NMI: variants seen among roughly 807,000 people sequenced by gnomAD.
The protein encoded by NMI is N-myc-interactor.
In NMI, 39 loss-of-function variants were observed where a neutral mutation model predicts 34.3. The observed-to-expected ratio is 1.14, with a 90% CI of 0.88 to 1.49. The LOEUF (loss-of-function observed/expected upper bound fraction) is 1.49, where lower values mean the gene tolerates loss of function less well. NMI is among the 40% of genes most tolerant of loss of function. NMI has a pLI of 0.00. For synonymous variants in NMI, 113 were observed against 120.3 expected, an observed-to-expected ratio of 0.94 and a Z score of 0.40; for missense variants, 339 against 358.1, an observed-to-expected ratio of 0.95 and a Z score of 0.43.
At chr2:151,278,664 G>A in intron 4 of NMI, 164 bp downstream of exon 4, 2 of 583,958 alleles carry the variant, frequency 3.4e-6, no homozygotes, top group Non-Finnish European at 6.0e-6. Context: ...TTGTCTCAGA[G>A]TCAGTTTTCT....
chr2:151,282,201 T>C (rs1683419528), intron 2 of NMI, among the ~76,000 whole-genome samples, 158 bp from the exon 3 acceptor site: 2 of 152,192 alleles, frequency 1.3e-5, no homozygotes, highest in Non-Finnish European at 2.9e-5. Context: ...TTGTTGAATA[T>C]TTTACATCAT....
At chr2:151,285,903 C>A (rs1454766178) in intron 1 of NMI, among the ~76,000 whole-genome samples, 3 of 151,828 alleles carry the variant, frequency 2.0e-5, no homozygotes, top group Non-Finnish European at 4.4e-5. Context: ...ACAGAATCCA[C>A]CTTGAGATGG....
chr2:151,287,492 T>C (rs1045744335), intron 1 of NMI, among the ~76,000 whole-genome samples: 2 of 152,138 alleles, frequency 1.3e-5, no homozygotes, highest in African/African-American at 4.8e-5. Flanking sequence ...CTAACCACAC[T>C]GAACACTTGG....
At chr2:151,270,917 T>C (rs1242773729) in intron 7 of NMI, 42 bp from the exon 8 acceptor site, 1 of 1,443,806 alleles carries the variant, frequency 6.9e-7, no homozygotes, top group East Asian at 2.3e-5. Flanking sequence ...TTCTAAGAGC[T>C]TTGAATTACA....
At chr2:151,288,065 G>C (rs1683535723) in intron 1 of NMI, among the ~76,000 whole-genome samples, 1 of 152,086 alleles carries the variant, frequency 6.6e-6, no homozygotes, top group African/African-American at 2.4e-5. Context: ...GGATACTTTT[G>C]CTCTATGCAT....
At chr2:151,288,998 C>A (rs1683563752) in intron 1 of NMI, 1 of 152,384 alleles carries the variant, frequency 6.6e-6, no homozygotes, top group Non-Finnish European at 1.5e-5. Context: ...AATCCCAGCA[C>A]TTTGGGAGGC....
intron 3 of NMI, 40 bp from the exon 4 acceptor site, chr2:151,279,030 AAAT>A: frequency 1.5e-6 from 2 of 1,371,154 alleles, no homozygotes; most frequent in Non-Finnish European, 2.0e-6. Flanking sequence ...TCAAGACGAG[AAAT>A]AACTTAAGTC....
Position 151,278,963 on chromosome 2 carries a change from T to C in NMI, c.205A>G (p.Met69Val), listed in dbSNP as rs1683338359. 1.9e-6 allele frequency: 3 copies of C among 1,609,192 alleles called. No homozygotes were observed. Among genetic ancestry groups the C allele is most frequent in the Non-Finnish European group, 2.6e-6 (3 of 1,176,162 alleles). ...GGAGTTTCAACTGATAAGAATTTCA[T>C]CTTTGTTTCAGGAATATCCTCTTTA... ...QIKEDIPETKMKFLSVETPEN... is the reference protein window; with the variant it reads ...QIKEDIPETKVKFLSVETPEN... The change falls in exon 4 of 8, where the codon ATG becomes GTG. Residue 69 changes from methionine (M) to valine (V), a missense_variant. Physicochemically the swap from Met to Val is conservative, Grantham distance 21. Transcript: ENST00000243346.
chr2:151,287,115 G>T (rs879530735), intron 1 of NMI, among the ~76,000 whole-genome samples: 2 of 152,058 alleles, frequency 1.3e-5, no homozygotes, highest in Non-Finnish European at 2.9e-5. Flanking sequence ...TTATGTCGGA[G>T]CACATCTTTT....
intron 4 of NMI, chr2:151,278,471 T>A (rs943750878): frequency 3.8e-5 from 7 of 184,192 alleles, no homozygotes; most frequent in African/African-American, 1.7e-4. Flanking sequence ...TTTATGGAAT[T>A]GTGTGAGTAT....
chr2:151,287,320 C>CACAT (rs1364502720), intron 1 of NMI, among the ~76,000 whole-genome samples: 2,017 of 117,476 alleles, frequency 0.017, 49 homozygotes, highest in African/African-American at 0.058. Context: ...CTCTCTCTCT[C>CACAT]ACACACATAC....
chr2:151,289,114 G>A (rs1683567243), intron 1 of NMI: 1 of 152,114 alleles, frequency 6.6e-6, no homozygotes, highest in Non-Finnish European at 1.5e-5. Flanking sequence ...CAGGCGTGGT[G>A]GCGGGCGCCT....
In NMI at chr2:151,275,517, C is replaced by T. The variant is rs368781417; in HGVS notation, c.601G>A (p.Gly201Arg). The T allele has an allele frequency of 5.9e-5, 96 of 1,614,086 alleles. No individual in the cohort carries two copies. Among genetic ancestry groups the T allele is most frequent in the Non-Finnish European group, 6.8e-5 (80 of 1,180,024 alleles). ...TCCACAAACGTGATGACTGCACTCC[C>T]GGACTGTCTGTCATAGTCCACGCGG... ...VDRVDYDRQS[G>R]SAVITFVEIG... is the part of the protein sequence containing the mutation. The change falls in exon 6 of 8, where the codon GGG becomes AGG. Residue 201 changes from glycine to arginine, a missense_variant. By Grantham distance (125) the Gly-to-Arg change is moderately radical (BLOSUM62 -2). Transcript: ENST00000243346.
chr2:151,274,310 T>C (rs1202524039), intron 6 of NMI, among the ~76,000 whole-genome samples: 1 of 107,430 alleles, frequency 9.3e-6, no homozygotes, highest in Admixed American at 1.4e-4. Context: ...GCCACTGCAC[T>C]CCAGCCCGGG....
At chr2:151,273,148 A>G (rs1267421438) in intron 6 of NMI, among the ~76,000 whole-genome samples, 1 of 151,916 alleles carries the variant, frequency 6.6e-6, no homozygotes, top group African/African-American at 2.4e-5. Flanking sequence ...GTCCTGAGTC[A>G]AATAGACCAG....
At chr2:151,289,090 A>G (rs972572699) in intron 1 of NMI, 6 of 151,736 alleles carry the variant, frequency 4.0e-5, no homozygotes, top group African/African-American at 1.5e-4. Flanking sequence ...AAAAATACAA[A>G]AAAAAAAATT....
At position 151,281,968 on chromosome 2, in the gene NMI, C is replaced by T. The variant is rs746579671; in HGVS notation, c.157G>A (p.Glu53Lys). Residue 53 changes from glutamate (E) to lysine (K), a missense_variant, in exon 3 of 8, where the codon GAG becomes AAG. Transcript: ENST00000243346. ...AGTACCTGGAATTCTTTGGTAGCCT[C>T]TTGTAACTCCGTTTCAAGCTTTTGG... ...EIQKLETELQ[E>K]ATKEFQIKED... The T allele has an allele frequency of 3.9e-6, 6 of 1,550,290 alleles. No individual in the cohort carries two copies. The South Asian group carries it at 6.8e-5, about 18-fold the overall frequency.
chr2:151,282,098 C>A (rs1683418031), intron 2 of NMI, 55 bp from the exon 3 acceptor site: 3 of 770,466 alleles, frequency 3.9e-6, no homozygotes, highest in African/African-American at 3.5e-5. Flanking sequence ...ACTCATTTTT[C>A]CGAATGAACT....
chr2:151,275,202 T>TG (rs1683269451), intron 6 of NMI, among the ~76,000 whole-genome samples: 1 of 151,576 alleles, frequency 6.6e-6, no homozygotes, highest in Non-Finnish European at 1.5e-5. Flanking sequence ...AGGCTGGTCT[T>TG]GAACTCCTGA....
Sources: allele counts gnomAD v4.1 joint callset (sites outside exome capture counted in the v4.1 genomes callset), GRCh38; gene constraint gnomAD v4.1.1; transcripts MANE v1.5; gene names NCBI Gene and HGNC (gene_info 2026-07-23, HGNC 2026-07-21).